Variants in OSBPL1A observed in about 807,000 individuals in gnomAD.
OSBPL1A encodes the protein oxysterol binding protein like 1A, also known as oxysterol-binding protein-related protein 1.
OSBPL1A carries 80 observed loss-of-function variants against 137.1 expected under a neutral mutation model. The observed-to-expected ratio is 0.58, with a 90% CI of 0.49 to 0.70. The LOEUF is 0.70. Among genes scored for constraint, OSBPL1A ranks in the 30% least tolerant of loss-of-function variants. The pLI is 0.00. For missense variants in OSBPL1A, 970 were observed against 1,129.4 expected (o/e 0.86, Z 2.02); for synonymous variants, 365 against 389.7 (o/e 0.94, Z 0.75).
intron 26 of OSBPL1A, among the ~76,000 whole-genome samples, chr18:24,166,164 T>A (rs548784816): frequency 5.5e-4 from 84 of 152,266 alleles, no homozygotes; most frequent in African/African-American, 1.9e-3. Context: ...CATGCCTGTA[T>A]CAAAATATCC....
intron 16 of OSBPL1A, among the ~76,000 whole-genome samples, chr18:24,228,369 A>C (rs960116589): frequency 2.2e-4 from 32 of 147,674 alleles, no homozygotes; most frequent in African/African-American, 7.8e-4. Context: ...GGCTATCCCC[A>C]CCCTTCCCCT....
intron 17 of OSBPL1A, among the ~76,000 whole-genome samples, chr18:24,209,737 G>A (rs1017158144): frequency 1.3e-5 from 2 of 152,222 alleles, no homozygotes; most frequent in Non-Finnish European, 2.9e-5. Flanking sequence ...AGGAATGGAA[G>A]TCAAGACACG....
chr18:24,164,934 C>T (rs1014559895), intron 27 of OSBPL1A, 131 bp downstream of exon 27: 1 of 862,988 alleles, frequency 1.2e-6, no homozygotes, highest in Non-Finnish European at 1.8e-6. Flanking sequence ...TTTTTCAGGC[C>T]TGGGACAACT....
chr18:24,226,887 ATTTTT>A (rs5823416), intron 16 of OSBPL1A, among the ~76,000 whole-genome samples: 4 of 100,858 alleles, frequency 4.0e-5, no homozygotes, highest in East Asian at 2.9e-4. Flanking sequence ...AAAGAAACAG[ATTTTT>A]TTTTTTTTTT....
At chr18:24,248,924 C>T (rs764493576) in intron 15 of OSBPL1A, among the ~76,000 whole-genome samples, 1 of 152,152 alleles carries the variant, frequency 6.6e-6, no homozygotes, top group Non-Finnish European at 1.5e-5. Context: ...TTAACAAATA[C>T]GTTTTAGTTT....
In OSBPL1A at chr18:24,310,250, G is replaced by T. The variant is rs543338120; in HGVS notation, c.1092+1734C>A. Reference sequence around the variant, plus strand: ...CAAAACATTAAGGAATAAACTGAAAGATATAGTCGAGGTTGATGACCTGAA... The same window carrying T: ...CAAAACATTAAGGAATAAACTGAAATATATAGTCGAGGTTGATGACCTGAA... On this transcript the variant is annotated intron_variant, in intron 13 of 27. Transcript: ENST00000319481. 4.0e-5 allele frequency among the ~76,000 whole-genome samples: 6 copies of T among 151,824 alleles called. No homozygotes were observed. In the East Asian group the frequency reaches 1.2e-3, roughly 29 times the overall value.
Position 24,162,374 on chromosome 18 carries a change from T to C in OSBPL1A, c.*805A>G, listed in dbSNP as rs1277191978. The stretch of plus-strand genomic sequence containing the variant: ...TACTTTCCCTAGTGGCATTTGCCAC[T>C]GGAAGTGGAAGCATTTAACAAGGTT... On this transcript the variant is annotated 3_prime_UTR_variant, in exon 28 of 28. Transcript: ENST00000319481. The C allele has an allele frequency of 6.6e-6, 1 of 152,262 alleles. No individual in the cohort carries two copies. Among genetic ancestry groups the C allele is most frequent in the Non-Finnish European group, 1.5e-5 (1 of 68,044 alleles). 9.4% of individuals were successfully genotyped at this position (152,262 alleles called of 1,614,324 possible).
intron 18 of OSBPL1A, among the ~76,000 whole-genome samples, chr18:24,193,366 T>C (rs1487575507): frequency 6.6e-6 from 1 of 151,672 alleles, no homozygotes; most frequent in Non-Finnish European, 1.5e-5. Flanking sequence ...CATGCACCTG[T>C]AGTCCCAGCT....
At chr18:24,331,693 G>T (rs2091081687) in intron 7 of OSBPL1A, among the ~76,000 whole-genome samples, 2 of 150,892 alleles carry the variant, frequency 1.3e-5, no homozygotes, top group East Asian at 3.9e-4. Context: ...ACCGCGCCCG[G>T]CGGCATGTTC....
chr18:24,343,390 G>A (rs564820753), intron 4 of OSBPL1A, among the ~76,000 whole-genome samples: 64 of 152,226 alleles, frequency 4.2e-4, no homozygotes, highest in African/African-American at 1.5e-3. Context: ...TTGTTAAGAG[G>A]AGAATACTAC....
chr18:24,273,972 A>T (rs746372572), intron 15 of OSBPL1A, among the ~76,000 whole-genome samples: 13 of 152,036 alleles, frequency 8.6e-5, no homozygotes, highest in Non-Finnish European at 1.6e-4. Flanking sequence ...GGTGGCTCAC[A>T]CCTATAATCC....
intron 7 of OSBPL1A, among the ~76,000 whole-genome samples, chr18:24,325,519 C>T (rs4998759): frequency 0.21 from 31,552 of 152,198 alleles, 3,429 homozygotes; most frequent in African/African-American, 0.23. Context: ...GCTGTTTGCT[C>T]AAAGTTGCTT....
intron 5 of OSBPL1A, among the ~76,000 whole-genome samples, chr18:24,341,302 C>A (rs2091269652): frequency 6.6e-6 from 1 of 152,138 alleles, no homozygotes; most frequent in South Asian, 2.1e-4. Context: ...CCACCGCACC[C>A]AGCCTGAAAA....
At chr18:24,396,313 C>T (rs1216999716) in intron 1 of OSBPL1A, among the ~76,000 whole-genome samples, 1 of 151,896 alleles carries the variant, frequency 6.6e-6, no homozygotes, top group African/African-American at 2.4e-5. Context: ...TGAGCAGCCT[C>T]CAGAGAGAAG....
chr18:24,296,932 G>A (rs184090884), intron 14 of OSBPL1A, among the ~76,000 whole-genome samples: 128 of 152,242 alleles, frequency 8.4e-4, no homozygotes, highest in Non-Finnish European at 1.4e-3. Context: ...TTGCACCTAT[G>A]TTCATCAGGG....
chr18:24,373,282 G>A (rs548757658), intron 2 of OSBPL1A, among the ~76,000 whole-genome samples: 10 of 151,980 alleles, frequency 6.6e-5, no homozygotes, highest in South Asian at 2.1e-4. Context: ...GGGAATATTC[G>A]AATAACTTCA....
In OSBPL1A at chr18:24,318,621, ATCGTT is replaced by A. The variant is rs2090782425; in HGVS notation, c.707_711del (p.Lys236IlefsTer2). 1.2e-6 allele frequency: 2 copies of A among 1,610,396 alleles called. No individual in the cohort carries two copies. Among genetic ancestry groups the A allele is most frequent in the East Asian group, 4.5e-5 (2 of 44,832 alleles). On this transcript the variant is annotated frameshift_variant, in exon 9 of 28. Coordinates refer to ENST00000319481, the MANE Select transcript of OSBPL1A (RefSeq NM_080597.4). LOFTEE classifies it high-confidence loss of function. ...CTTACCTTCCAGAGAGGGCCCTCAT[ATCGTT>A]TCAATGCTTTGTAGATGACCTGTCA... is the stretch of plus-strand genomic sequence containing the variant.
At chr18:24,233,861 A>T (rs2088359640) in intron 16 of OSBPL1A, among the ~76,000 whole-genome samples, 1 of 152,172 alleles carries the variant, frequency 6.6e-6, no homozygotes, top group Non-Finnish European at 1.5e-5. Flanking sequence ...AATGTTGGCC[A>T]GGCTGGTCTC....
At chr18:24,382,284 G>A (rs1306143327) in intron 1 of OSBPL1A, among the ~76,000 whole-genome samples, 5 of 150,716 alleles carry the variant, frequency 3.3e-5, no homozygotes, top group Admixed American at 3.3e-4. Flanking sequence ...GCAGGCGCCT[G>A]TAGTCCCAGC....
Sources: allele counts gnomAD v4.1 joint callset (sites outside exome capture counted in the v4.1 genomes callset), GRCh38; gene constraint gnomAD v4.1.1; transcripts MANE v1.5; gene names NCBI Gene and HGNC (gene_info 2026-07-23, HGNC 2026-07-21).